The following CLCN3 variants were observed in gnomAD, a reference collection of about 807,000 sequenced individuals.
CLCN3 encodes the protein Cl-/H+ antiporter 3.
In CLCN3, 16 loss-of-function variants were observed where a neutral mutation model predicts 83.4. The observed-to-expected ratio is 0.19, with a 90% CI of 0.13 to 0.29. CLCN3 has a LOEUF of 0.29. Among genes scored for constraint, CLCN3 ranks in the 10% least tolerant of loss-of-function variants. The probability of loss-of-function intolerance (pLI) is 1.00; values close to 1 mark genes in which losing one functional copy is unlikely to be tolerated. For missense variants in CLCN3, 544 were observed against 1,006.0 expected, an observed-to-expected ratio of 0.54 and a Z score of 6.21; for synonymous variants, 322 against 346.2, an observed-to-expected ratio of 0.93 and a Z score of 0.78.
chr4:169,631,937 CAA>C (rs1446873661), intron 1 of CLCN3, among the ~76,000 whole-genome samples: 2 of 151,968 alleles, frequency 1.3e-5, no homozygotes, highest in Non-Finnish European at 2.9e-5. Context: ...AAAAATCTAC[CAA>C]CCAGAAAAGC....
chr4:169,703,078 G>C (rs1227278620), intron 9 of CLCN3, among the ~76,000 whole-genome samples: 2 of 152,166 alleles, frequency 1.3e-5, no homozygotes, highest in African/African-American at 4.8e-5. Context: ...TCATGGTGCA[G>C]TAAAACAACT....
In CLCN3 at chr4:169,697,554, A is replaced by C; in HGVS notation, c.1383A>C (p.Thr461=). The C allele has an allele frequency of 6.2e-7, 1 of 1,614,236 alleles. No individual in the cohort carries two copies. The highest frequency in any genetic ancestry group is 8.5e-7 in the Non-Finnish European group (1 of 1,180,022). ...GTGAACTGATCAAAGAGCTTTTTAC[A>C]GACTGTGGTCCCCTGGAATCCTCTT... ...NTSELIKELF[T]DCGPLESSSL... is the part of the protein sequence containing the mutation. The change falls in exon 9 of 13, where the codon ACA becomes ACC. Residue 461 remains threonine (T), a synonymous_variant. Coordinates refer to ENST00000513761, the MANE Select transcript of CLCN3 (RefSeq NM_001829.4).
intron 12 of CLCN3, among the ~76,000 whole-genome samples, chr4:169,719,003 A>T (rs28374431): frequency 0.19 from 28,461 of 152,118 alleles, 3,546 homozygotes; most frequent in African/African-American, 0.36. Flanking sequence ...TGTCCTAGAA[A>T]CTTGGATTCT....
intron 2 of CLCN3, among the ~76,000 whole-genome samples, chr4:169,668,967 G>A (rs760801832): frequency 6.6e-6 from 1 of 152,084 alleles, no homozygotes; most frequent in Non-Finnish European, 1.5e-5. Context: ...AGCTGGGGAG[G>A]AGAAGGTATC....
At chr4:169,694,396 A>G (rs1400035840) in intron 7 of CLCN3, among the ~76,000 whole-genome samples, 1 of 152,232 alleles carries the variant, frequency 6.6e-6, no homozygotes, top group Non-Finnish European at 1.5e-5. Flanking sequence ...ATTTCAACAC[A>G]GCAGCCTGAC....
intron 2 of CLCN3, among the ~76,000 whole-genome samples, chr4:169,678,093 G>A (rs1731751530): frequency 6.6e-6 from 1 of 152,126 alleles, no homozygotes; most frequent in Non-Finnish European, 1.5e-5. Flanking sequence ...TTCTTACAGG[G>A]CAAAAACAAA....
At chr4:169,675,736 T>TAA (rs1731650807) in intron 2 of CLCN3, among the ~76,000 whole-genome samples, 1 of 152,204 alleles carries the variant, frequency 6.6e-6, no homozygotes, top group Non-Finnish European at 1.5e-5. Context: ...TTTCTTTGTT[T>TAA]ATGTATCTTT....
intron 2 of CLCN3, among the ~76,000 whole-genome samples, chr4:169,638,297 T>C (rs1286900847): frequency 6.6e-6 from 1 of 152,160 alleles, no homozygotes; most frequent in Non-Finnish European, 1.5e-5. Flanking sequence ...TTTTACCCCT[T>C]TCTGCTTCCT....
intron 2 of CLCN3, among the ~76,000 whole-genome samples, chr4:169,647,748 A>G (rs1158878570): frequency 2.0e-5 from 3 of 152,262 alleles, no homozygotes; most frequent in African/African-American, 7.2e-5. Flanking sequence ...CTCCCATCAA[A>G]TAATTTATGT....
In CLCN3 at chr4:169,697,562, G is replaced by A; in HGVS notation, c.1391G>A (p.Gly464Asp). 1 of 1,614,154 alleles carries A rather than the reference G, an allele frequency of 6.2e-7. No homozygotes were observed. Among genetic ancestry groups the A allele is most frequent in the African/African-American group, 1.3e-5 (1 of 75,042 alleles). The change falls in exon 9 of 13, where the codon GGT becomes GAT. Residue 464 changes from glycine to aspartate, a missense_variant. Gly to Asp is a moderately conservative substitution (Grantham distance 94). This residue lies in a region of CLCN3 where 194 missense variants were observed against 341.4 expected (regional missense o/e 0.57). Transcript: ENST00000513761. ...ELIKELFTDC[G>D]PLESSSLCDY... ...ATCAAAGAGCTTTTTACAGACTGTG[G>A]TCCCCTGGAATCCTCTTCTCTTTGT... is the stretch of plus-strand genomic sequence containing the variant.
chr4:169,696,643 T>A (rs1421967797), intron 8 of CLCN3, among the ~76,000 whole-genome samples: 2 of 152,102 alleles, frequency 1.3e-5, no homozygotes, highest in Non-Finnish European at 2.9e-5. Context: ...CACCAGAACT[T>A]ATTCCTCCTC....
chr4:169,638,156 T>C (rs766011654), intron 2 of CLCN3, among the ~76,000 whole-genome samples: 2 of 152,220 alleles, frequency 1.3e-5, no homozygotes, highest in African/African-American at 4.8e-5. Context: ...AACCTTGTTA[T>C]ATGTTCTCTT....
At chr4:169,673,487 G>C (rs1206029061) in intron 2 of CLCN3, among the ~76,000 whole-genome samples, 8 of 151,932 alleles carry the variant, frequency 5.3e-5, no homozygotes, top group Admixed American at 5.2e-4. Context: ...TTATCTTCAC[G>C]CTGTAAATAG....
At chr4:169,696,088 T>C (rs970932622) in intron 8 of CLCN3, among the ~76,000 whole-genome samples, 1 of 152,048 alleles carries the variant, frequency 6.6e-6, no homozygotes, top group African/African-American at 2.4e-5. Flanking sequence ...TTGTTTTGTT[T>C]TGTTTTGTTT....
chr4:169,694,100 G>GA (rs927359604), intron 7 of CLCN3, among the ~76,000 whole-genome samples: 4 of 147,474 alleles, frequency 2.7e-5, no homozygotes, highest in Admixed American at 6.7e-5. Context: ...CTTAGTGGAG[G>GA]AAAAAAAAAA....
chr4:169,636,734 G>GTTT (rs544033516), intron 2 of CLCN3, among the ~76,000 whole-genome samples: 33 of 88,558 alleles, frequency 3.7e-4, no homozygotes, highest in African/African-American at 1.8e-3. Flanking sequence ...TTCATTATTT[G>GTTT]GTTTTTTTTT....
chr4:169,678,936 C>T (rs545892549), intron 2 of CLCN3, among the ~76,000 whole-genome samples: 26 of 152,380 alleles, frequency 1.7e-4, no homozygotes, highest in African/African-American at 6.3e-4. Flanking sequence ...GTACACCTCC[C>T]AGACAGGGTG....
At chr4:169,678,990 G>A (rs1320922700) in intron 2 of CLCN3, among the ~76,000 whole-genome samples, 3 of 151,874 alleles carry the variant, frequency 2.0e-5, no homozygotes, top group East Asian at 1.9e-4. Context: ...CTGGGCGGCC[G>A]GGCGGAGGCG....
rs549466182 is a variant in CLCN3 at position 169,650,746 on chromosome 4, A to G, written c.160+14658A>G. ...TTATTCTAAGCAGGGTCATGTTCTT[A>G]ATACATTTGACACTTCACATTCTGT... On this transcript the variant is annotated intron_variant, in intron 2 of 12. Transcript: ENST00000513761. Among the ~76,000 whole-genome samples the G allele has an allele frequency of 4.0e-4, 61 of 152,326 alleles. No individual in the cohort carries two copies. The South Asian group carries it at 4.8e-3, about 12-fold the overall frequency.
Sources: allele counts gnomAD v4.1 joint callset (sites outside exome capture counted in the v4.1 genomes callset), GRCh38; gene constraint gnomAD v4.1.1; regional missense constraint gnomAD v4.1.1; transcripts MANE v1.5; gene names NCBI Gene and HGNC (gene_info 2026-07-23, HGNC 2026-07-21).